ADAMTS14: variants seen among roughly 807,000 people sequenced by gnomAD.
ADAMTS14 encodes A disintegrin and metalloproteinase with thrombospondin motifs 14.
In ADAMTS14, 100 loss-of-function variants were observed where a neutral mutation model predicts 128.6. The ratio of observed to expected loss-of-function variants is 0.78; its 90% CI spans 0.66 to 0.92. The LOEUF is 0.92. Ranked by LOEUF, ADAMTS14 falls within the 40% of genes least tolerant of loss-of-function variation. ADAMTS14 has a pLI of 0.00. For synonymous variants in ADAMTS14, 665 were observed against 653.8 expected (o/e 1.02, Z -0.26); for missense variants, 1,562 against 1,658.6 (o/e 0.94, Z 1.01).
intron 4 of ADAMTS14, among the ~76,000 whole-genome samples, chr10:70,715,648 A>G (rs1000774726): frequency 2.0e-5 from 3 of 152,102 alleles, no homozygotes; most frequent in South Asian, 2.1e-4. Flanking sequence ...TTGTTCCCCA[A>G]GCAGAATTTG....
At chr10:70,728,877 A>G (rs1841527390) in intron 4 of ADAMTS14, among the ~76,000 whole-genome samples, 1 of 152,242 alleles carries the variant, frequency 6.6e-6, no homozygotes, top group Non-Finnish European at 1.5e-5. Context: ...TAGGGCAGAC[A>G]TTATGCCAGT....
At chr10:70,744,845 G>C (rs1330810738) in intron 14 of ADAMTS14, among the ~76,000 whole-genome samples, 2 of 152,130 alleles carry the variant, frequency 1.3e-5, no homozygotes, top group African/African-American at 4.8e-5. Flanking sequence ...AGTCTTCATG[G>C]CCTTTATCAT....
intron 21 of ADAMTS14, among the ~76,000 whole-genome samples, chr10:70,759,914 C>A (rs997516537): frequency 2.0e-5 from 3 of 152,186 alleles, no homozygotes; most frequent in Admixed American, 1.3e-4. Context: ...GAGACAGGCA[C>A]CCCCAAGGAT....
intron 2 of ADAMTS14, among the ~76,000 whole-genome samples, chr10:70,687,520 C>T (rs1418918786): frequency 8.1e-5 from 3 of 37,240 alleles, no homozygotes; most frequent in Non-Finnish European, 1.9e-4. Context: ...GCTGACCCCC[C>T]CACCTCCCTC....
chr10:70,698,000 A>C (rs1460488515), intron 2 of ADAMTS14, among the ~76,000 whole-genome samples: 1 of 152,240 alleles, frequency 6.6e-6, no homozygotes, highest in Non-Finnish European at 1.5e-5. Flanking sequence ...AGCCCAGCTG[A>C]GAGTGGCCAG....
At position 70,743,632 on chromosome 10, in the gene ADAMTS14, G is replaced by A. The variant is rs374207153; in HGVS notation, c.2009G>A (p.Arg670His). Residue 670 changes from arginine (R) to histidine (H), a missense_variant, in exon 13 of 22, where the codon CGC (arginine) becomes CAC (histidine). By Grantham distance (29) the Arg-to-His change is conservative. Coordinates refer to ENST00000373207, the MANE Select transcript of ADAMTS14 (RefSeq NM_080722.4). ...FMNQVVHDGT[R>H]CSYRDPYSVC... Reference sequence around the variant, plus strand: ...AACCAGGTGGTTCACGATGGGACACGCTGCAGCTACCGGGACCCATACAGC... The same window carrying A: ...AACCAGGTGGTTCACGATGGGACACACTGCAGCTACCGGGACCCATACAGC... The A allele has an allele frequency of 9.9e-6, 16 of 1,611,608 alleles. No individual in the cohort carries two copies. Among genetic ancestry groups the A allele is most frequent in the African/African-American group, 1.3e-5 (1 of 74,926 alleles).
chr10:70,732,583 T>C (rs1841682012), intron 7 of ADAMTS14, among the ~76,000 whole-genome samples: 1 of 152,212 alleles, frequency 6.6e-6, no homozygotes, highest in Non-Finnish European at 1.5e-5. Flanking sequence ...AATTTGGGCC[T>C]GCCTTGGGCC....
intron 2 of ADAMTS14, among the ~76,000 whole-genome samples, chr10:70,698,168 A>C (rs1840390328): frequency 6.6e-6 from 1 of 152,256 alleles, no homozygotes; most frequent in Non-Finnish European, 1.5e-5. Context: ...GTAAAAGAAT[A>C]AGATATAGTT....
In ADAMTS14 at chr10:70,749,866, G is replaced by A; in HGVS notation, c.2308G>A (p.Gly770Ser). 6.2e-7 allele frequency: 1 copy of A among 1,614,064 alleles called. No homozygotes were observed. ...CGGCAGCTTCATCCTCAACCCCAAG[G>A]GCAAGGAAGCCACAAGCCGGACCTT... ...VTGSFILNPKGKEATSRTFTA... is the reference protein window; with the variant it reads ...VTGSFILNPKSKEATSRTFTA... The change falls in exon 16 of 22, where the codon GGC becomes AGC. Residue 770 changes from glycine (G) to serine (S), a missense_variant. Physicochemically the swap from Gly to Ser is moderately conservative, Grantham distance 56. Transcript: ENST00000373207.
At chr10:70,728,900 G>T (rs907252487) in intron 4 of ADAMTS14, among the ~76,000 whole-genome samples, 2 of 152,208 alleles carry the variant, frequency 1.3e-5, no homozygotes, top group African/African-American at 4.8e-5. Context: ...CAACTGGAAC[G>T]GTACACAGGG....
At chr10:70,713,216 G>T (rs1463946009) in intron 4 of ADAMTS14, among the ~76,000 whole-genome samples, 2 of 152,160 alleles carry the variant, frequency 1.3e-5, no homozygotes, top group Admixed American at 6.5e-5. Flanking sequence ...GGTGGATCAG[G>T]CTTGCTGGAG....
At chr10:70,675,060 A>G in intron 2 of ADAMTS14, 65 bp downstream of exon 2, 1 of 1,561,180 alleles carries the variant, frequency 6.4e-7, no homozygotes, top group Non-Finnish European at 8.7e-7. Flanking sequence ...CATGGTTTTG[A>G]GATTGCTATG....
At chr10:70,756,762 A>G (rs1238987573) in intron 19 of ADAMTS14, among the ~76,000 whole-genome samples, 2 of 152,234 alleles carry the variant, frequency 1.3e-5, no homozygotes, top group African/African-American at 4.8e-5. Context: ...TCTTGGAATT[A>G]CATCAGCCTG....
chr10:70,702,541 T>A (rs1160270867), intron 3 of ADAMTS14, 73 bp downstream of exon 3: 6 of 1,519,900 alleles, frequency 3.9e-6, no homozygotes, highest in Non-Finnish European at 4.4e-6. Context: ...ACTTCTGTCC[T>A]TAAGCTGTCC....
chr10:70,706,147 G>T (rs1025093613), intron 3 of ADAMTS14, among the ~76,000 whole-genome samples: 2 of 150,548 alleles, frequency 1.3e-5, no homozygotes, highest in Non-Finnish European at 3.0e-5. Flanking sequence ...AGAGGGTGTG[G>T]CTGGAGCCCC....
rs749852265 is a variant in ADAMTS14, at chr10:70,744,890, G to A, written c.2183-336G>A. ...ATCAGTAGCAAGTAGCTTAAGGTGTGAGAAGAAGCAGGGAGAGAGAGTCAG... is the reference window on the plus strand; with the variant it reads ...ATCAGTAGCAAGTAGCTTAAGGTGTAAGAAGAAGCAGGGAGAGAGAGTCAG... On this transcript the variant is annotated intron_variant, in intron 14 of 21. Transcript: ENST00000373207. Among the ~76,000 whole-genome samples, 39 of 152,068 alleles carry A rather than the reference G, an allele frequency of 2.6e-4. 1 individual carries two copies. Among genetic ancestry groups the A allele is most frequent in the South Asian group, 6.2e-4 (3 of 4,818 alleles).
At chr10:70,706,430 C>T (rs946097627) in intron 3 of ADAMTS14, among the ~76,000 whole-genome samples, 20 of 152,204 alleles carry the variant, frequency 1.3e-4, no homozygotes, top group Admixed American at 3.9e-4. Context: ...ACAGCCCATG[C>T]GTTGGGAGTG....
At chr10:70,694,528 G>A (rs573285761) in intron 2 of ADAMTS14, among the ~76,000 whole-genome samples, 3 of 151,980 alleles carry the variant, frequency 2.0e-5, no homozygotes, top group Non-Finnish European at 4.4e-5. Context: ...ATTCACCCCC[G>A]ATCCAACATT....
Position 70,751,598 on chromosome 10 carries a change from G to A in ADAMTS14, c.2548G>A (p.Glu850Lys). 3.7e-6 allele frequency: 6 copies of A among 1,613,520 alleles called. No individual in the cohort carries two copies. The highest frequency in any genetic ancestry group is 4.2e-6 in the Non-Finnish European group (5 of 1,179,494). Residue 850 changes from glutamate to lysine, a missense_variant, in exon 17 of 22, where the codon GAG becomes AAG. Physicochemically the swap from Glu to Lys is moderately conservative, Grantham distance 56. Coordinates refer to ENST00000373207, the MANE Select transcript of ADAMTS14 (RefSeq NM_080722.4). Reference protein sequence around the residue: ...NVLLEEMDTYEWALKSWAPCS... With the variant: ...NVLLEEMDTYKWALKSWAPCS... Reference sequence around the variant, plus strand: ...GCTCCTGGAGGAGATGGACACCTATGAGTGGGCGCTCAAGAGCTGGGCCCC... The same window carrying A: ...GCTCCTGGAGGAGATGGACACCTATAAGTGGGCGCTCAAGAGCTGGGCCCC...
Sources: gnomAD v4.1 joint callset for allele counts (sites outside exome capture counted in the v4.1 genomes callset) on GRCh38, gnomAD v4.1.1 for gene constraint, MANE v1.5 for transcripts, NCBI Gene and HGNC (gene_info 2026-07-23, HGNC 2026-07-21) for gene names.